The following LRP1B variants were observed in gnomAD, a reference collection of about 807,000 sequenced individuals.
LRP1B encodes low-density lipoprotein receptor-related protein 1B.
LRP1B carries 217 observed loss-of-function variants against 556.6 expected under a neutral mutation model. The ratio of observed to expected loss-of-function variants is 0.39; its 90% CI spans 0.35 to 0.44. The LOEUF (loss-of-function observed/expected upper bound fraction) is 0.44. Ranked by LOEUF, LRP1B falls within the 20% of genes least tolerant of loss-of-function variation. LRP1B has a pLI of 1.00. For synonymous variants in LRP1B, 2,047 were observed against 1,865.8 expected, an observed-to-expected ratio of 1.10 and a Z score of -2.50; for missense variants, 5,053 against 5,620.8, an observed-to-expected ratio of 0.90 and a Z score of 3.23.
At chr2:141,575,181 G>C (rs755892907) in intron 2 of LRP1B, among the ~76,000 whole-genome samples, 3 of 152,136 alleles carry the variant, frequency 2.0e-5, no homozygotes, top group Non-Finnish European at 4.4e-5. Context: ...GAACAAAGTT[G>C]GAAGCATCAC....
At chr2:140,650,303 TTTTATTTTTATTTA>T (rs1471739253) in intron 41 of LRP1B, among the ~76,000 whole-genome samples, 3 of 142,444 alleles carry the variant, frequency 2.1e-5, no homozygotes, top group South Asian at 4.5e-4. Flanking sequence ...ATCACTTTAT[TTTTATTTTTATTTA>T]TTTATTTATT....
chr2:141,676,328 T>C (rs1224616061), intron 2 of LRP1B, among the ~76,000 whole-genome samples: 1 of 152,170 alleles, frequency 6.6e-6, no homozygotes, highest in Non-Finnish European at 1.5e-5. Flanking sequence ...TTAAAAATAA[T>C]GCACAGTCAT....
At chr2:140,715,834 T>G in intron 37 of LRP1B, 139 bp downstream of exon 37, 1 of 544,806 alleles carries the variant, frequency 1.8e-6, no homozygotes, top group Admixed American at 3.7e-5. Flanking sequence ...ACAAAGTGAA[T>G]ATAAACATTT....
At chr2:140,834,308 C>T (rs1023503877) in intron 31 of LRP1B, among the ~76,000 whole-genome samples, 4 of 152,132 alleles carry the variant, frequency 2.6e-5, no homozygotes, top group Admixed American at 6.6e-5. Flanking sequence ...GGCACGATCT[C>T]GGCTCATTGC....
At chr2:140,784,765 G>A (rs895760709) in intron 32 of LRP1B, among the ~76,000 whole-genome samples, 1 of 151,628 alleles carries the variant, frequency 6.6e-6, no homozygotes, top group African/African-American at 2.4e-5. Flanking sequence ...ATTAAAAGGA[G>A]TATAGCTGAA....
chr2:140,879,022 A>C (rs1468026629), intron 25 of LRP1B, among the ~76,000 whole-genome samples: 1 of 151,918 alleles, frequency 6.6e-6, no homozygotes, highest in African/African-American at 2.4e-5. Context: ...GAAAAGAAAA[A>C]ATAATCCCTG....
intron 32 of LRP1B, among the ~76,000 whole-genome samples, chr2:140,794,154 T>A (rs6722632): frequency 0.35 from 52,528 of 151,902 alleles, 9,279 homozygotes; most frequent in African/African-American, 0.44. Context: ...TAAATAGTCA[T>A]CTTAACGATT....
At chr2:140,699,635 A>G (rs972120341) in intron 41 of LRP1B, among the ~76,000 whole-genome samples, 1 of 151,550 alleles carries the variant, frequency 6.6e-6, no homozygotes, top group Non-Finnish European at 1.5e-5. Context: ...TTTTTGTTAA[A>G]CTTGAATGAC....
At chr2:142,127,634 T>C (rs1707702330) in intron 1 of LRP1B, among the ~76,000 whole-genome samples, 1 of 152,038 alleles carries the variant, frequency 6.6e-6, no homozygotes, top group Admixed American at 6.6e-5. Flanking sequence ...ACTTTAATGT[T>C]ATTTGTGGCA....
rs36022608 is a variant in LRP1B at position 141,330,002 on chromosome 2, T to TA, written c.344-75362dup. Among the ~76,000 whole-genome samples the TA allele has an allele frequency of 1.6e-3, 245 of 150,290 alleles. 4 individuals carry two copies. The highest frequency in any genetic ancestry group is 3.4e-3 in the East Asian group (17 of 5,050). On this transcript the variant is annotated intron_variant, in intron 3 of 90. Coordinates refer to ENST00000389484, the MANE Select transcript of LRP1B (RefSeq NM_018557.3). ...TTTTCTACAAACTGACTATTATAGA[T>TA]AAAAAAAAAAAGCTTAGCTAAGTGA...
intron 6 of LRP1B, among the ~76,000 whole-genome samples, chr2:141,199,904 A>G (rs1280754708): frequency 6.6e-6 from 1 of 152,176 alleles, no homozygotes. Flanking sequence ...AATGACTATT[A>G]TTAAAAAGAC....
chr2:140,341,524 A>G (rs757926536), intron 77 of LRP1B, among the ~76,000 whole-genome samples: 57 of 151,570 alleles, frequency 3.8e-4, no homozygotes, highest in Middle Eastern at 3.4e-3. Flanking sequence ...GATAATAAGT[A>G]TAATAATAAT....
chr2:141,372,832 T>C (rs1436160152), intron 3 of LRP1B, among the ~76,000 whole-genome samples: 1 of 152,104 alleles, frequency 6.6e-6, no homozygotes, highest in Non-Finnish European at 1.5e-5. Context: ...TCTTATTTTG[T>C]TGATCATTTC....
At chr2:140,956,017 G>C (rs1378245708) in intron 18 of LRP1B, among the ~76,000 whole-genome samples, 1 of 151,684 alleles carries the variant, frequency 6.6e-6, no homozygotes, top group African/African-American at 2.4e-5. Flanking sequence ...AAATTGCATA[G>C]AAGATTCAAG....
At chr2:140,935,501 G>GA (rs1299688649) in intron 20 of LRP1B, among the ~76,000 whole-genome samples, 4 of 151,744 alleles carry the variant, frequency 2.6e-5, no homozygotes, top group East Asian at 3.9e-4. Flanking sequence ...GGAAAAGAGG[G>GA]AAAAAAATCA....
intron 3 of LRP1B, among the ~76,000 whole-genome samples, chr2:141,436,332 C>T (rs2104994295): frequency 6.6e-6 from 1 of 152,206 alleles, no homozygotes; most frequent in South Asian, 2.1e-4. Context: ...ACAAGTACTA[C>T]ATAATCTCAA....
At chr2:142,001,132 TC>T (rs1702639610) in intron 1 of LRP1B, among the ~76,000 whole-genome samples, 1 of 152,166 alleles carries the variant, frequency 6.6e-6, no homozygotes. Flanking sequence ...TTGTGAGGCC[TC>T]CCCAACCCCG....
chr2:141,632,973 T>C (rs1333734566), intron 2 of LRP1B, among the ~76,000 whole-genome samples: 1 of 151,932 alleles, frequency 6.6e-6, no homozygotes, highest in East Asian at 1.9e-4. Flanking sequence ...AACTTCCAAA[T>C]ATGTTCTGGA....
At chr2:141,143,990 G>A (rs780182117) in intron 7 of LRP1B, among the ~76,000 whole-genome samples, 46 of 152,126 alleles carry the variant, frequency 3.0e-4, no homozygotes, top group Admixed American at 2.0e-4. Flanking sequence ...TGAGGGAAAA[G>A]CATTCCTAGT....
Sources: gnomAD v4.1 joint callset for allele counts (sites outside exome capture counted in the v4.1 genomes callset) on GRCh38, gnomAD v4.1.1 for gene constraint, MANE v1.5 for transcripts, NCBI Gene and HGNC (gene_info 2026-07-23, HGNC 2026-07-21) for gene names.